Variants in CCSER1 observed in about 807,000 individuals in gnomAD.
The protein encoded by CCSER1 is serine-rich coiled-coil domain-containing protein 1.
CCSER1 carries 41 observed loss-of-function variants against 82.0 expected under a neutral mutation model. The observed-to-expected ratio is 0.50, with a 90% confidence interval of 0.39 to 0.65. The LOEUF is 0.65. Ranked by LOEUF, CCSER1 falls within the 30% of genes least tolerant of loss-of-function variation. CCSER1 has a pLI of 0.00. For missense variants in CCSER1, 1,119 were observed against 1,064.2 expected (o/e 1.05, Z -0.72); for synonymous variants, 414 against 383.9 (o/e 1.08, Z -0.92).
At chr4:90,171,992 CAG>C (rs1381777616) in intron 1 of CCSER1, among the ~76,000 whole-genome samples, 2 of 151,796 alleles carry the variant, frequency 1.3e-5, no homozygotes, top group Admixed American at 1.3e-4. Flanking sequence ...TTTTATAACA[CAG>C]GGAAAGAAAT....
intron 5 of CCSER1, among the ~76,000 whole-genome samples, chr4:90,504,846 T>C (rs1770453161): frequency 1.3e-5 from 2 of 152,084 alleles, no homozygotes; most frequent in African/African-American, 4.8e-5. Flanking sequence ...TTCCAAACAT[T>C]GCAGAGCATC....
intron 5 of CCSER1, among the ~76,000 whole-genome samples, chr4:90,505,998 C>A (rs933599110): frequency 6.6e-6 from 1 of 152,214 alleles, no homozygotes; most frequent in African/African-American, 2.4e-5. Context: ...AATACACTTA[C>A]AACTTTGTCT....
intron 10 of CCSER1, among the ~76,000 whole-genome samples, chr4:91,163,383 G>A (rs992302641): frequency 1.3e-5 from 2 of 151,930 alleles, no homozygotes; most frequent in Admixed American, 6.6e-5. Flanking sequence ...AGTGTGATGT[G>A]GTGCTGACAA....
At chr4:90,359,909 AT>A (rs1745034294) in intron 3 of CCSER1, among the ~76,000 whole-genome samples, 7 of 144,428 alleles carry the variant, frequency 4.8e-5, no homozygotes, top group Admixed American at 4.8e-4. Flanking sequence ...ATATATATAT[AT>A]ATATGTATAT....
intron 7 of CCSER1, among the ~76,000 whole-genome samples, chr4:90,754,624 G>A (rs1749207146): frequency 6.6e-6 from 1 of 152,116 alleles, no homozygotes; most frequent in Non-Finnish European, 1.5e-5. Flanking sequence ...CCATTACAGT[G>A]AGGTTACAGT....
intron 10 of CCSER1, among the ~76,000 whole-genome samples, chr4:91,580,309 C>G (rs576777295): frequency 6.6e-6 from 1 of 151,958 alleles, no homozygotes; most frequent in East Asian, 1.9e-4. Context: ...TGACATTCTT[C>G]TATACAGTAA....
chr4:90,932,966 GAAAGAAAGAAAGAAAGAGAAAGAA>G lies in CCSER1; in HGVS notation c.2172+9521_2172+9544del, dbSNP rs1561384734. Among the ~76,000 whole-genome samples the G allele has an allele frequency of 8.2e-4, 28 of 34,172 alleles. 1 individual carries two copies. The highest frequency in any genetic ancestry group is 8.8e-3 in the Middle Eastern group (1 of 114). The allele number at this position is 34,172 out of a possible 152,430, so 22.4% of individuals were successfully genotyped here. A position where few individuals can be genotyped will look rare whatever the true frequency, so the allele number is the denominator to read the frequency against. ...AGAAAGAAAGAAAGAAAGAAAGAAA[GAAAGAAAGAAAGAAAGAGAAAGAA>G]AGAAAGAAAGAAAGAAAGAAAGAAA... On this transcript the variant is annotated intron_variant, in intron 9 of 10. Transcript: ENST00000509176.
At chr4:91,156,054 A>G (rs1006169485) in intron 10 of CCSER1, among the ~76,000 whole-genome samples, 8 of 151,830 alleles carry the variant, frequency 5.3e-5, no homozygotes, top group African/African-American at 1.7e-4. Flanking sequence ...AGTGAATGTA[A>G]TATCTGAGAC....
intron 10 of CCSER1, among the ~76,000 whole-genome samples, chr4:91,209,461 T>C (rs962160985): frequency 2.6e-5 from 4 of 151,984 alleles, no homozygotes; most frequent in African/African-American, 9.7e-5. Context: ...CTGCATTTAT[T>C]GAGATAATTA....
intron 10 of CCSER1, among the ~76,000 whole-genome samples, chr4:91,487,047 A>G (rs1445222886): frequency 6.6e-6 from 1 of 152,096 alleles, no homozygotes; most frequent in Non-Finnish European, 1.5e-5. Context: ...TGTATTTTTA[A>G]TGGCATATAG....
chr4:91,528,969 A>C (rs2110162598), intron 10 of CCSER1, among the ~76,000 whole-genome samples: 1 of 152,260 alleles, frequency 6.6e-6, no homozygotes, highest in Non-Finnish European at 1.5e-5. Context: ...ACCAATCCAA[A>C]GTGCATTTTT....
chr4:91,105,362 C>A (rs1725499936), intron 10 of CCSER1, among the ~76,000 whole-genome samples: 1 of 151,548 alleles, frequency 6.6e-6, no homozygotes, highest in Admixed American at 6.6e-5. Flanking sequence ...TCTTCAATAA[C>A]TTTGAAACTT....
intron 7 of CCSER1, among the ~76,000 whole-genome samples, chr4:90,786,080 G>A (rs1754471516): frequency 6.6e-6 from 1 of 152,148 alleles, no homozygotes; most frequent in African/African-American, 2.4e-5. Flanking sequence ...ATGGGGCTGA[G>A]GGGGATTCTT....
At chr4:91,052,733 A>G (rs1743113828) in intron 9 of CCSER1, among the ~76,000 whole-genome samples, 1 of 152,172 alleles carries the variant, frequency 6.6e-6, no homozygotes, top group Non-Finnish European at 1.5e-5. Flanking sequence ...GAAAATAGCT[A>G]TTAACATTTC....
At chr4:91,479,502 C>T (rs536070274) in intron 10 of CCSER1, among the ~76,000 whole-genome samples, 15 of 151,356 alleles carry the variant, frequency 9.9e-5, no homozygotes, top group Non-Finnish European at 1.9e-4. Context: ...GAAAATTAGT[C>T]AAATAATTAC....
Position 90,516,738 on chromosome 4 carries a change from A to G in CCSER1, c.1724+48384A>G, listed in dbSNP as rs1361402017. 2.6e-5 allele frequency among the ~76,000 whole-genome samples: 4 copies of G among 152,112 alleles called. No homozygotes were observed. The East Asian group carries it at 7.7e-4, about 29-fold the overall frequency. On this transcript the variant is annotated intron_variant, in intron 5 of 10. Coordinates refer to ENST00000509176, the MANE Select transcript of CCSER1 (RefSeq NM_001145065.2). ...GCGCAAGGTCAAAGAGGTTTTGGATATCCATTAGAATTTTTGGCCGCTGAA... is the reference window on the plus strand; with the variant it reads ...GCGCAAGGTCAAAGAGGTTTTGGATGTCCATTAGAATTTTTGGCCGCTGAA...
At chr4:90,450,283 G>A (rs192018179) in intron 4 of CCSER1, among the ~76,000 whole-genome samples, 14 of 152,306 alleles carry the variant, frequency 9.2e-5, no homozygotes, top group Non-Finnish European at 4.4e-5. Context: ...TCTAGTGCTG[G>A]AGATAACACA....
At chr4:91,319,276 G>A (rs1049901683) in intron 10 of CCSER1, 1 of 201,312 alleles carries the variant, frequency 5.0e-6, no homozygotes, top group Non-Finnish European at 1.0e-5. Flanking sequence ...CAAATAAGAC[G>A]TGATTTGACC....
intron 6 of CCSER1, among the ~76,000 whole-genome samples, chr4:90,719,994 G>A (rs1331747590): frequency 1.3e-5 from 2 of 152,008 alleles, no homozygotes; most frequent in Non-Finnish European, 2.9e-5. Context: ...GAAAAAAATG[G>A]GTCTCTTCTC....
Sources: gnomAD v4.1 joint callset for allele counts (sites outside exome capture counted in the v4.1 genomes callset) on GRCh38, gnomAD v4.1.1 for gene constraint, MANE v1.5 for transcripts, NCBI Gene and HGNC (gene_info 2026-07-23, HGNC 2026-07-21) for gene names.